Variants in ACTMAP observed in about 807,000 individuals in gnomAD.
The protein encoded by ACTMAP is actin maturation protease, also known as UPF0692 protein C19orf54.
the ACTMAP span, chr19:40,750,466 G>A: frequency 1.3e-5 from 2 of 152,242 alleles, no homozygotes; most frequent in African/African-American, 4.8e-5. Flanking sequence ...GAAGTAAAGT[G>A]CACCTCCCAC....
At chr19:40,742,307 T>C in the ACTMAP span, 6 of 980,964 alleles carry the variant, frequency 6.1e-6, no homozygotes, top group Admixed American at 1.5e-4. Flanking sequence ...GGGGTGGCCC[T>C]GATGAAGGAG....
the ACTMAP span, chr19:40,742,489 G>T: frequency 6.6e-7 from 1 of 1,504,574 alleles, no homozygotes; most frequent in South Asian, 1.3e-5. Flanking sequence ...AGGCCAGCCC[G>T]TACCCCACCC....
At chr19:40,744,949 T>G in the ACTMAP span, 1 of 820,092 alleles carries the variant, frequency 1.2e-6, no homozygotes, top group Middle Eastern at 2.8e-4. Flanking sequence ...ATTCCTCGCA[T>G]GTCCCAACTA....
At chr19:40,748,336 G>A in the ACTMAP span, among the ~76,000 whole-genome samples, 1 of 151,728 alleles carries the variant, frequency 6.6e-6, no homozygotes, top group African/African-American at 2.4e-5. Context: ...GGTGGTGGGC[G>A]CCAGTTCACT....
chr19:40,741,025 G>A, the ACTMAP span: 10 of 398,640 alleles, frequency 2.5e-5, no homozygotes, highest in East Asian at 3.6e-4. Flanking sequence ...GTGTTACAAT[G>A]CAGGGGACAC....
the ACTMAP span, among the ~76,000 whole-genome samples, chr19:40,747,174 G>A: frequency 6.6e-6 from 1 of 152,112 alleles, no homozygotes; most frequent in South Asian, 2.1e-4. Context: ...GGGGGGGTGC[G>A]GACTCAGAGC....
chr19:40,744,514 C>T, the ACTMAP span: 1 of 1,607,416 alleles, frequency 6.2e-7, no homozygotes, highest in Non-Finnish European at 8.5e-7. Flanking sequence ...CTCTCTGGTC[C>T]CAGCCTCATG....
At chr19:40,741,200 G>C in the ACTMAP span, 1 of 392,842 alleles carries the variant, frequency 2.5e-6, no homozygotes, top group Non-Finnish European at 4.5e-6. Flanking sequence ...CCAGCACTTT[G>C]GGAGGCCGAG....
the ACTMAP span, among the ~76,000 whole-genome samples, chr19:40,746,807 G>A: frequency 6.6e-6 from 1 of 151,916 alleles, no homozygotes; most frequent in Non-Finnish European, 1.5e-5. Context: ...CACCATGCCC[G>A]GCCTCCTTTT....
the ACTMAP span, chr19:40,744,328 CAA>C: frequency 7.2e-7 from 1 of 1,396,094 alleles, no homozygotes; most frequent in East Asian, 2.5e-5. Flanking sequence ...AAATGAGGCA[CAA>C]AGAGCGTGAG....
At chr19:40,747,404 G>A in the ACTMAP span, among the ~76,000 whole-genome samples, 1 of 151,948 alleles carries the variant, frequency 6.6e-6, no homozygotes, top group African/African-American at 2.4e-5. Flanking sequence ...CAGGCGTGGT[G>A]GTGGGCACCT....
At chr19:40,744,140 A>G in the ACTMAP span, 1 of 1,611,384 alleles carries the variant, frequency 6.2e-7, no homozygotes, top group Non-Finnish European at 8.5e-7. Flanking sequence ...AGGCCACCAG[A>G]GAGCAGCTTG....
At chr19:40,740,914 G>A in the ACTMAP span, 1 of 398,616 alleles carries the variant, frequency 2.5e-6, no homozygotes, top group Non-Finnish European at 4.4e-6. Context: ...CGTGGGCTGG[G>A]TGGGGTAACA....
At chr19:40,749,990 C>G in the ACTMAP span, 1 of 484,856 alleles carries the variant, frequency 2.1e-6, no homozygotes, top group Non-Finnish European at 3.5e-6. Flanking sequence ...AATTGCGAGG[C>G]TGACTCAAGT....
chr19:40,742,048 A>C, the ACTMAP span: 1 of 477,942 alleles, frequency 2.1e-6, no homozygotes, highest in Non-Finnish European at 4.1e-6. Flanking sequence ...CAGTATGACT[A>C]GTAGGTGGCA....
the ACTMAP span, chr19:40,744,180 C>G: frequency 6.3e-7 from 1 of 1,591,968 alleles, no homozygotes; most frequent in Non-Finnish European, 8.5e-7. Flanking sequence ...CCTGGGCCAG[C>G]CTGCCCATAT....
chr19:40,748,680 G>A, the ACTMAP span, among the ~76,000 whole-genome samples: 5 of 152,196 alleles, frequency 3.3e-5, no homozygotes, highest in African/African-American at 1.2e-4. Flanking sequence ...TGGCTCTGCC[G>A]CTTTCACAGC....
At chr19:40,741,048 G>A in the ACTMAP span, 1 of 398,706 alleles carries the variant, frequency 2.5e-6, no homozygotes, top group African/African-American at 2.1e-5. Flanking sequence ...TGGTGAGCAA[G>A]GCTGCTCCAA....
chr19:40,742,464 A>G, the ACTMAP span: 1 of 1,471,032 alleles, frequency 6.8e-7, no homozygotes, highest in South Asian at 1.4e-5. Context: ...TGTGAGGAGC[A>G]GGGCCTGGCC....
Sources: allele counts gnomAD v4.1 joint callset (sites outside exome capture counted in the v4.1 genomes callset), GRCh38; gene constraint gnomAD v4.1.1; transcripts MANE v1.5; gene names NCBI Gene and HGNC (gene_info 2026-07-23, HGNC 2026-07-21).